The following ZNF865 variants were observed in gnomAD, a reference collection of about 807,000 sequenced individuals.
ZNF865 encodes zinc finger protein 865.
For missense variants in ZNF865, 1,311 were observed against 1,593.4 expected (o/e 0.82, Z 3.02); for synonymous variants, 763 against 750.8 (o/e 1.02, Z -0.27).
chr19:55,614,880 ACCT>A lies in ZNF865; in HGVS notation c.1267_1269del (p.Leu423del). ...GGGAAGGCCTTCCGCGACGCCTCCT[ACCT>A]CCTCAAGCACCAGGCGGCCCACGCG... On this transcript the variant is annotated inframe_deletion, in exon 2 of 2. Coordinates refer to ENST00000568956, the MANE Select transcript of ZNF865 (RefSeq NM_001195605.2). This position sits in a 1 kb window ranked among gnomAD's most constrained non-coding sequence, Gnocchi z 8.0. 1 of 1,505,480 alleles carries A rather than the reference ACCT, an allele frequency of 6.6e-7. No homozygotes were observed. Among genetic ancestry groups the A allele is most frequent in the Non-Finnish European group, 8.8e-7 (1 of 1,131,064 alleles). The allele number at this position is 1,505,480 out of a possible 1,614,324, so 93.3% of individuals were successfully genotyped here. A position where few individuals can be genotyped will look rare whatever the true frequency, so the allele number is the denominator to read the frequency against.
At position 55,617,096 on chromosome 19, in the gene ZNF865, A is replaced by G; in HGVS notation, c.*298A>G. ...CTGCCCCCAGTAAGTTTTGGCGGAG[A>G]TGGGTCTGAACCGCCCCTCCCCCTC... is the stretch of plus-strand genomic sequence containing the variant. On this transcript the variant is annotated 3_prime_UTR_variant, in exon 2 of 2. Transcript: ENST00000568956. The G allele has an allele frequency of 3.9e-6, 1 of 259,672 alleles. No individual in the cohort carries two copies. The highest frequency in any genetic ancestry group is 7.1e-6 in the Non-Finnish European group (1 of 140,680). The allele number at this position is 259,672 out of a possible 1,614,324, so 16.1% of individuals were successfully genotyped here.
At chr19:55,609,703 C>T (rs1429132428) in intron 1 of ZNF865, among the ~76,000 whole-genome samples, 1 of 152,156 alleles carries the variant, frequency 6.6e-6, no homozygotes, top group Non-Finnish European at 1.5e-5. Flanking sequence ...ACTGTGCTGC[C>T]TCCAGGCAAT....
intron 1 of ZNF865, among the ~76,000 whole-genome samples, chr19:55,609,417 A>AT (rs1644914818): frequency 6.6e-6 from 1 of 152,042 alleles, no homozygotes; most frequent in African/African-American, 2.4e-5. Flanking sequence ...TACTGGGAGG[A>AT]TTCGTTGAGC....
rs1382026883 is a variant in ZNF865, at chr19:55,616,073, A to G, written c.2455A>G (p.Thr819Ala). 8 of 1,507,294 alleles carry G rather than the reference A, an allele frequency of 5.3e-6. No homozygotes were observed. The highest frequency in any genetic ancestry group is 2.1e-5 in the Admixed American group (1 of 47,630). 93.4% of individuals were successfully genotyped at this position (1,507,294 alleles called of 1,614,324 possible). A position where few individuals can be genotyped will look rare whatever the true frequency, so the allele number is the denominator to read the frequency against. Residue 819 changes from threonine to alanine, a missense_variant, in exon 2 of 2, where the codon ACC becomes GCC. By Grantham distance (58) the Thr-to-Ala change is moderately conservative. Coordinates refer to ENST00000568956, the MANE Select transcript of ZNF865 (RefSeq NM_001195605.2). ...CAAGTACGTGCACCTGGTGCGACGG[A>G]CCCTGGGCTGCGGCCTCTGCGGCCA... is the stretch of plus-strand genomic sequence containing the variant. ...THKYVHLVRR[T>A]LGCGLCGQSF... is the part of the protein sequence containing the mutation.
rs914251728 is a variant in ZNF865 at position 55,616,755 on chromosome 19, G to C, written c.3137G>C (p.Gly1046Ala). 2 of 1,470,084 alleles carry C rather than the reference G, an allele frequency of 1.4e-6. No homozygotes were observed. The highest frequency in any genetic ancestry group is 1.8e-4 in the Middle Eastern group (1 of 5,682). The allele number at this position is 1,470,084 out of a possible 1,614,324, so 91.1% of individuals were successfully genotyped here. The part of the protein sequence containing the change: ...RLAHKAENLG[G>A]PGAGAGTLAG... ...GCGCACAAGGCCGAGAACCTCGGGGGGCCTGGAGCAGGGGCGGGCACCTTG... is the reference window on the plus strand; with the variant it reads ...GCGCACAAGGCCGAGAACCTCGGGGCGCCTGGAGCAGGGGCGGGCACCTTG... The change falls in exon 2 of 2, where the codon GGG (glycine) becomes GCG (alanine). Residue 1046 changes from glycine (G) to alanine (A), a missense_variant. Coordinates refer to ENST00000568956, the MANE Select transcript of ZNF865 (RefSeq NM_001195605.2).
Position 55,614,885 on chromosome 19 carries a change from C to T in ZNF865, c.1267C>T (p.Leu423Phe). The change falls in exon 2 of 2, where the codon CTC becomes TTC. Residue 423 changes from leucine (L) to phenylalanine (F), a missense_variant. Coordinates refer to ENST00000568956, the MANE Select transcript of ZNF865 (RefSeq NM_001195605.2). The surrounding 1 kb of genome is among the most constrained non-coding windows in gnomAD (Gnocchi z 8.0). Reference protein sequence around the residue: ...GKAFRDASYLLKHQAAHAGAG... With the variant: ...GKAFRDASYLFKHQAAHAGAG... ...GGCCTTCCGCGACGCCTCCTACCTC[C>T]TCAAGCACCAGGCGGCCCACGCGGG... The T allele has an allele frequency of 1.3e-6, 2 of 1,506,906 alleles. No homozygotes were observed. Among genetic ancestry groups the T allele is most frequent in the Non-Finnish European group, 1.8e-6 (2 of 1,132,024 alleles). 93.3% of individuals were successfully genotyped at this position (1,506,906 alleles called of 1,614,324 possible). A position where few individuals can be genotyped will look rare whatever the true frequency, so the allele number is the denominator to read the frequency against.
chr19:55,613,840 C>G lies in ZNF865; in HGVS notation c.222C>G (p.Pro74=). 1 of 1,503,254 alleles carries G rather than the reference C, an allele frequency of 6.7e-7. No individual in the cohort carries two copies. The highest frequency in any genetic ancestry group is 1.2e-5 in the South Asian group (1 of 82,266). 93.1% of individuals were successfully genotyped at this position (1,503,254 alleles called of 1,614,324 possible). The part of the protein sequence containing the change: ...PPPQPPPQPP[P]PQYDYPPQST... ...CGCAGCCCCCGCCGCAGCCCCCTCC[C>G]CCGCAGTATGACTACCCGCCCCAGT... is the stretch of plus-strand genomic sequence containing the variant. The change falls in exon 2 of 2, where the codon CCC becomes CCG. Residue 74 remains proline (P), a synonymous_variant. Transcript: ENST00000568956.
rs1981350610 is a variant in ZNF865, at chr19:55,616,147, G to A, written c.2529G>A (p.Arg843=). The A allele has an allele frequency of 1.3e-6, 2 of 1,502,566 alleles. No individual in the cohort carries two copies. Among genetic ancestry groups the A allele is most frequent in the Non-Finnish European group, 8.9e-7 (1 of 1,128,936 alleles). 93.1% of individuals were successfully genotyped at this position (1,502,566 alleles called of 1,614,324 possible). ...YDLLLHRRSH[R]QKRGFRCPVC... ...TGCTCCTACACCGCCGCAGCCATCG[G>A]CAGAAGCGGGGTTTCCGCTGCCCGG... The change falls in exon 2 of 2, where the codon CGG becomes CGA. Residue 843 remains arginine (R), a synonymous_variant. Transcript: ENST00000568956.
rs758447041 is a variant in ZNF865 at position 55,608,312 on chromosome 19, C to CTT, written c.-27+2598_-27+2599dup. ...GTGGAGGTCATTGTAAGGACTGTGG[C>CTT]TTTTTTTTTTTTTTTTTTTGAAAAG... On this transcript the variant is annotated intron_variant, in intron 1 of 1. Coordinates refer to ENST00000568956, the MANE Select transcript of ZNF865 (RefSeq NM_001195605.2). Among the ~76,000 whole-genome samples the CTT allele has an allele frequency of 4.6e-3, 577 of 125,260 alleles. 10 individuals carry two copies. Among genetic ancestry groups the CTT allele is most frequent in the African/African-American group, 0.014 (459 of 32,112 alleles). 82.2% of individuals were successfully genotyped at this position (125,260 alleles called of 152,430 possible). A position where few individuals can be genotyped will look rare whatever the true frequency, so the allele number is the denominator to read the frequency against.
At position 55,615,536 on chromosome 19, in the gene ZNF865, G is replaced by A. The variant is rs1156924005; in HGVS notation, c.1918G>A (p.Ala640Thr). Residue 640 changes from alanine (A) to threonine (T), a missense_variant, in exon 2 of 2, where the codon GCC becomes ACC. Transcript: ENST00000568956. ...GCTGCCCTGCGCCCTGGCCGGGGCA[G>A]CCGGCCTCCCCTCCACCCAAGGCAC... Reference protein sequence around the residue: ...LQLPCALAGAAGLPSTQGTPG... With the variant: ...LQLPCALAGATGLPSTQGTPG... 6.6e-7 allele frequency: 1 copy of A among 1,507,196 alleles called. No homozygotes were observed. The highest frequency in any genetic ancestry group is 8.8e-7 in the Non-Finnish European group (1 of 1,134,022). The allele number at this position is 1,507,196 out of a possible 1,614,324, so 93.4% of individuals were successfully genotyped here.
In ZNF865 at chr19:55,615,034, G is replaced by A. The variant is rs751407912; in HGVS notation, c.1416G>A (p.Ala472=). ...AHAPPAAAAE[A]PKDGAASAPQ... ...CCCCGCCCGCTGCCGCTGCGGAGGCGCCCAAGGACGGGGCGGCCTCGGCCC... is the reference window on the plus strand; with the variant it reads ...CCCCGCCCGCTGCCGCTGCGGAGGCACCCAAGGACGGGGCGGCCTCGGCCC... Residue 472 remains alanine, a synonymous_variant, in exon 2 of 2, where the codon GCG becomes GCA. Coordinates refer to ENST00000568956, the MANE Select transcript of ZNF865 (RefSeq NM_001195605.2). The A allele has an allele frequency of 9.3e-6, 12 of 1,295,696 alleles. No homozygotes were observed. The highest frequency in any genetic ancestry group is 1.2e-5 in the Non-Finnish European group (12 of 1,024,088). 80.3% of individuals were successfully genotyped at this position (1,295,696 alleles called of 1,614,324 possible).
rs757550209 is a variant in ZNF865 at position 55,616,340 on chromosome 19, G to A, written c.2722G>A (p.Val908Met). 5 of 1,522,504 alleles carry A rather than the reference G, an allele frequency of 3.3e-6. No individual in the cohort carries two copies. The South Asian group carries it at 3.6e-5, about 11-fold the overall frequency. 94.3% of individuals were successfully genotyped at this position (1,522,504 alleles called of 1,614,324 possible). A position where few individuals can be genotyped will look rare whatever the true frequency, so the allele number is the denominator to read the frequency against. The change falls in exon 2 of 2, where the codon GTG becomes ATG. Residue 908 changes from valine (V) to methionine (M), a missense_variant. Val to Met is a conservative substitution (Grantham distance 21). Coordinates refer to ENST00000568956, the MANE Select transcript of ZNF865 (RefSeq NM_001195605.2). The stretch of plus-strand genomic sequence containing the variant: ...TGGCGAGCGGGCCTTCAAGTGCGGC[G>A]TGTGCGCCAAGCGCTTCGCGCAGTC... Reference protein sequence around the residue: ...HTGERAFKCGVCAKRFAQSSS... With the variant: ...HTGERAFKCGMCAKRFAQSSS...
chr19:55,614,950 C>T lies in ZNF865; in HGVS notation c.1332C>T (p.Asp444=), dbSNP rs1262596519. 1.4e-6 allele frequency: 2 copies of T among 1,478,274 alleles called. No homozygotes were observed. The allele number at this position is 1,478,274 out of a possible 1,614,324, so 91.6% of individuals were successfully genotyped here. ...GGCCTCGGCCCGTGTACCCCTGCGA[C>T]CTGTGCGGCAAGTCCTACTCGGCTC... ...AGGPRPVYPC[D]LCGKSYSAPQ... Residue 444 remains aspartate (D), a synonymous_variant, in exon 2 of 2, where the codon GAC becomes GAT. Coordinates refer to ENST00000568956, the MANE Select transcript of ZNF865 (RefSeq NM_001195605.2). The surrounding 1 kb of genome is among the most constrained non-coding windows in gnomAD (Gnocchi z 8.0).
chr19:55,616,944 C>G lies in ZNF865; in HGVS notation c.*146C>G. On this transcript the variant is annotated 3_prime_UTR_variant, in exon 2 of 2. Coordinates refer to ENST00000568956, the MANE Select transcript of ZNF865 (RefSeq NM_001195605.2). ...GGCGACCTTCAGGGCGCACGCCCGACAGGCTCAAGACTGAATCACTCCCAT... is the reference window on the plus strand; with the variant it reads ...GGCGACCTTCAGGGCGCACGCCCGAGAGGCTCAAGACTGAATCACTCCCAT... The G allele has an allele frequency of 1.2e-6, 1 of 826,358 alleles. No homozygotes were observed. Among genetic ancestry groups the G allele is most frequent in the Non-Finnish European group, 1.7e-6 (1 of 572,432 alleles). The allele number at this position is 826,358 out of a possible 1,614,324, so 51.2% of individuals were successfully genotyped here.
chr19:55,607,272 G>T (rs1023432084), intron 1 of ZNF865, among the ~76,000 whole-genome samples: 2 of 152,120 alleles, frequency 1.3e-5, no homozygotes, highest in Non-Finnish European at 2.9e-5. Context: ...TCCTCATGGA[G>T]TGGATATGCT....
At chr19:55,607,771 CT>C (rs1980995139) in intron 1 of ZNF865, among the ~76,000 whole-genome samples, 1 of 152,170 alleles carries the variant, frequency 6.6e-6, no homozygotes, top group Non-Finnish European at 1.5e-5. Context: ...GGGGGCTGCT[CT>C]TAACAGCGCC....
intron 1 of ZNF865, among the ~76,000 whole-genome samples, chr19:55,610,905 T>C: frequency 6.6e-6 from 1 of 152,134 alleles, no homozygotes; most frequent in Non-Finnish European, 1.5e-5. Context: ...AAGAACACTG[T>C]AGGCAGAAGA....
chr19:55,609,441 A>G lies in ZNF865; in HGVS notation c.-27+3709A>G, dbSNP rs76063956. Among the ~76,000 whole-genome samples the G allele has an allele frequency of 4.1e-3, 625 of 152,278 alleles. 4 individuals are homozygous for G. Among genetic ancestry groups the G allele is most frequent in the African/African-American group, 0.014 (594 of 41,534 alleles). On this transcript the variant is annotated intron_variant, in intron 1 of 1. Transcript: ENST00000568956. ...GATTCGTTGAGCTCACACACATCAG[A>G]GTTACAAGAGTGCTGGGCTGGTAGA... is the stretch of plus-strand genomic sequence containing the variant.
chr19:55,611,690 C>G lies in ZNF865; in HGVS notation c.-26-1903C>G, dbSNP rs1381687496. ...GCCCGATGGATAGAGGATAAAGGGT[C>G]CAGGCCTTGGTAGGAACCCCCTTGA... On this transcript the variant is annotated intron_variant, in intron 1 of 1. Coordinates refer to ENST00000568956, the MANE Select transcript of ZNF865 (RefSeq NM_001195605.2). The surrounding 1 kb of genome is among the most constrained non-coding windows in gnomAD (Gnocchi z 4.5). Among the ~76,000 whole-genome samples the G allele has an allele frequency of 6.6e-6, 1 of 152,164 alleles. No homozygotes were observed. The highest frequency in any genetic ancestry group is 1.5e-5 in the Non-Finnish European group (1 of 68,028).
Sources: allele counts gnomAD v4.1 joint callset (sites outside exome capture counted in the v4.1 genomes callset), GRCh38; gene constraint gnomAD v4.1.1; non-coding constraint Gnocchi (gnomAD v3.1); transcripts MANE v1.5; gene names NCBI Gene and HGNC (gene_info 2026-07-23, HGNC 2026-07-21).